The following CRYBG3 variants were observed in gnomAD, a reference collection of about 807,000 sequenced individuals.
CRYBG3 encodes very large A-kinase anchor protein.
A neutral mutation model predicts 244.2 loss-of-function variants in CRYBG3; 127 were observed. The ratio of observed to expected loss-of-function variants is 0.52; its 90% confidence interval spans 0.45 to 0.60. CRYBG3 has a LOEUF of 0.60. Ranked by LOEUF, CRYBG3 falls within the 20% of genes least tolerant of loss-of-function variation. CRYBG3 has a pLI of 0.00. For synonymous variants in CRYBG3, 1,132 were observed against 1,195.8 expected, an observed-to-expected ratio of 0.95 and a Z score of 1.10; for missense variants, 3,325 against 3,442.5, an observed-to-expected ratio of 0.97 and a Z score of 0.85.
At chr3:97,883,173 G>A (rs1164616561) in intron 7 of CRYBG3, among the ~76,000 whole-genome samples, 1 of 152,180 alleles carries the variant, frequency 6.6e-6, no homozygotes, top group African/African-American at 2.4e-5. Context: ...ACTTTTGTCA[G>A]ATACAGAGGT....
chr3:97,939,617 A>G (rs2040203367), intron 19 of CRYBG3, among the ~76,000 whole-genome samples: 1 of 152,048 alleles, frequency 6.6e-6, no homozygotes, highest in African/African-American at 2.4e-5. Flanking sequence ...GTCTGGTCCT[A>G]AAGTAATTGG....
At chr3:97,909,653 AT>A (rs1445489275) in intron 15 of CRYBG3, among the ~76,000 whole-genome samples, 1 of 151,090 alleles carries the variant, frequency 6.6e-6, no homozygotes, top group Non-Finnish European at 1.5e-5. Flanking sequence ...ATTCTTCTAA[AT>A]TTTTTTCAAA....
chr3:97,921,079 A>G (rs921590320), intron 17 of CRYBG3, among the ~76,000 whole-genome samples: 1 of 151,366 alleles, frequency 6.6e-6, no homozygotes, highest in Non-Finnish European at 1.5e-5. Flanking sequence ...CCTGTTTACA[A>G]GCTTTCCCTC....
chr3:97,922,224 C>G (rs754026638), intron 17 of CRYBG3, among the ~76,000 whole-genome samples: 1 of 152,088 alleles, frequency 6.6e-6, no homozygotes, highest in Non-Finnish European at 1.5e-5. Context: ...AGACCTAAAA[C>G]CATAAAAACC....
chr3:97,859,645 A>G (rs1475361184), intron 2 of CRYBG3, among the ~76,000 whole-genome samples: 1 of 152,176 alleles, frequency 6.6e-6, no homozygotes, highest in African/African-American at 2.4e-5. Context: ...TGCATTCCCC[A>G]GAAACATTGT....
intron 19 of CRYBG3, among the ~76,000 whole-genome samples, chr3:97,937,348 C>T (rs1192499138): frequency 3.9e-5 from 6 of 152,186 alleles, no homozygotes; most frequent in African/African-American, 1.4e-4. Flanking sequence ...CTTCCCACTG[C>T]ACTTAGAATA....
Position 97,876,527 on chromosome 3 carries a change from A to G in CRYBG3, c.5333A>G (p.Glu1778Gly), listed in dbSNP as rs2039374502. The part of the protein sequence containing the change: ...KNAKGFTGNT[E>G]GSVLKMEATY... ...GCCAAAGGTTTTACCGGGAACACTG[A>G]AGGGTCTGTGTTGAAAATGGAAGCT... The change falls in exon 4 of 22, where the codon GAA becomes GGA. Residue 1778 changes from glutamate to glycine, a missense_variant. Coordinates refer to ENST00000389622, the MANE Select transcript of CRYBG3 (RefSeq NM_153605.4). The G allele has an allele frequency of 1.6e-6, 2 of 1,232,066 alleles. No homozygotes were observed. The highest frequency in any genetic ancestry group is 8.4e-5 in the Admixed American group (2 of 23,704). 76.3% of individuals were successfully genotyped at this position (1,232,066 alleles called of 1,614,324 possible).
intron 10 of CRYBG3, among the ~76,000 whole-genome samples, chr3:97,889,781 G>T (rs2039553716): frequency 6.6e-6 from 1 of 152,166 alleles, no homozygotes; most frequent in Non-Finnish European, 1.5e-5. Context: ...TGATCAAAAG[G>T]AAGTGTAGGT....
intron 2 of CRYBG3, 104 bp from the exon 3 acceptor site, chr3:97,864,113 A>C (rs2039190745): frequency 1.1e-6 from 1 of 910,656 alleles, no homozygotes; most frequent in Non-Finnish European, 1.6e-6. Context: ...TCTTATTCAC[A>C]AATGTATCCC....
intron 17 of CRYBG3, among the ~76,000 whole-genome samples, chr3:97,918,737 G>A (rs911925176): frequency 2.0e-5 from 3 of 152,172 alleles, no homozygotes; most frequent in African/African-American, 7.2e-5. Flanking sequence ...TTGTTAGTTG[G>A]CTTTAGATAC....
In CRYBG3 at chr3:97,844,201, G is replaced by A. The variant is rs562480901; in HGVS notation, c.216+940G>A. Among the ~76,000 whole-genome samples the A allele has an allele frequency of 1.1e-3, 168 of 152,194 alleles. 1 individual carries two copies. Among genetic ancestry groups the A allele is most frequent in the African/African-American group, 3.9e-3 (162 of 41,540 alleles). ...ATACTTATTGAAAGGAAAAAATGAAGATCACCTTGCTTTCCTTTCTTCACT... is the reference window on the plus strand; with the variant it reads ...ATACTTATTGAAAGGAAAAAATGAAAATCACCTTGCTTTCCTTTCTTCACT... On this transcript the variant is annotated intron_variant, in intron 2 of 21. Transcript: ENST00000389622.
intron 12 of CRYBG3, among the ~76,000 whole-genome samples, chr3:97,897,996 G>A (rs1024417289): frequency 2.6e-5 from 4 of 151,954 alleles, no homozygotes; most frequent in African/African-American, 7.2e-5. Flanking sequence ...TGAGGCGGGT[G>A]GATCACGAGG....
At chr3:97,871,760 T>C in intron 3 of CRYBG3, 82 bp from the exon 4 acceptor site, 1 of 977,844 alleles carries the variant, frequency 1.0e-6, no homozygotes, top group South Asian at 2.1e-5. Flanking sequence ...GTTTAAAAGA[T>C]GTACTTTTAC....
chr3:97,873,321 T>G lies in CRYBG3; in HGVS notation c.2127T>G (p.Val709=). 6.5e-7 allele frequency: 1 copy of G among 1,535,882 alleles called. No individual in the cohort carries two copies. Among genetic ancestry groups the G allele is most frequent in the Non-Finnish European group, 8.7e-7 (1 of 1,146,800 alleles). Residue 709 remains valine (V), a synonymous_variant, in exon 4 of 22, where the codon GTT becomes GTG. Transcript: ENST00000389622. ...AAGAAGAAAATGTGAAAAACCATGT[T>G]GAGGCTGCAGGCAGGAAGAGTCCTC... is the stretch of plus-strand genomic sequence containing the variant. ...KCKEENVKNH[V]EAAGRKSPPP...
Position 97,877,994 on chromosome 3 carries a change from T to TC in CRYBG3, c.6802dup (p.Arg2268ProfsTer17). 6.2e-7 allele frequency: 1 copy of TC among 1,614,064 alleles called. No homozygotes were observed. The highest frequency in any genetic ancestry group is 8.5e-7 in the Non-Finnish European group (1 of 1,179,978). ...TTTCAGGAACCAGTGTCAAAATATTTCCGTGTTCAAGACAGCCCAGGCAGA... is the reference window on the plus strand; with the variant it reads ...TTTCAGGAACCAGTGTCAAAATATTTCCCGTGTTCAAGACAGCCCAGGCAGA... On this transcript the variant is annotated frameshift_variant, in exon 4 of 22. Coordinates refer to ENST00000389622, the MANE Select transcript of CRYBG3 (RefSeq NM_153605.4). LOFTEE classifies it high-confidence loss of function.
At chr3:97,898,242 A>T (rs1276816241) in intron 12 of CRYBG3, among the ~76,000 whole-genome samples, 1 of 151,798 alleles carries the variant, frequency 6.6e-6, no homozygotes, top group East Asian at 1.9e-4. Flanking sequence ...AAAAGAAAGA[A>T]AGTTTTATCT....
At chr3:97,886,568 A>G in intron 7 of CRYBG3, 63 bp from the exon 8 acceptor site, 2 of 1,362,204 alleles carry the variant, frequency 1.5e-6, no homozygotes, top group Non-Finnish European at 2.0e-6. Context: ...TGTCCAGGAC[A>G]TTGAGAAGAC....
At position 97,846,650 on chromosome 3, in the gene CRYBG3, G is replaced by A. The variant is rs897554634; in HGVS notation, c.216+3389G>A. ...CTTGGGCTCAACTTCTCTATTTGAA[G>A]ATTTTCAAGCAAACTCTTAGTTTTA... On this transcript the variant is annotated intron_variant, in intron 2 of 21. Transcript: ENST00000389622. Among the ~76,000 whole-genome samples, 50 of 152,282 alleles carry A rather than the reference G, an allele frequency of 3.3e-4. 1 individual carries two copies. The highest frequency in any genetic ancestry group is 4.0e-4 in the Non-Finnish European group (27 of 68,020).
At chr3:97,901,802 G>A (rs2039709687) in intron 15 of CRYBG3, among the ~76,000 whole-genome samples, 1 of 152,054 alleles carries the variant, frequency 6.6e-6, no homozygotes, top group Non-Finnish European at 1.5e-5. Context: ...ATTGCTGGGA[G>A]GATTTTCTTG....
Sources: allele counts gnomAD v4.1 joint callset (sites outside exome capture counted in the v4.1 genomes callset), GRCh38; gene constraint gnomAD v4.1.1; transcripts MANE v1.5; gene names NCBI Gene and HGNC (gene_info 2026-07-23, HGNC 2026-07-21).